The following CEACAM7 variants were observed in gnomAD, a reference collection of about 807,000 sequenced individuals.
The protein encoded by CEACAM7 is cell adhesion molecule CEACAM7.
In CEACAM7, 24 loss-of-function variants were observed where a neutral mutation model predicts 25.7. The ratio of observed to expected loss-of-function variants is 0.93; its 90% CI spans 0.68 to 1.31. The LOEUF (loss-of-function observed/expected upper bound fraction) is 1.31. Among genes scored for constraint, CEACAM7 ranks in the 40% most tolerant of loss-of-function variants. The pLI is 0.00. For synonymous variants in CEACAM7, 144 were observed against 129.4 expected (o/e 1.11, Z -0.77); for missense variants, 324 against 330.1 (o/e 0.98, Z 0.14).
chr19:41,683,330 A>G (rs2072193736), intron 3 of CEACAM7, among the ~76,000 whole-genome samples: 2 of 152,168 alleles, frequency 1.3e-5, no homozygotes. Context: ...ATGGATGAAG[A>G]GTCTAAGGTT....
At chr19:41,682,757 C>G (rs1004387492) in intron 3 of CEACAM7, among the ~76,000 whole-genome samples, 1 of 152,194 alleles carries the variant, frequency 6.6e-6, no homozygotes, top group African/African-American at 2.4e-5. Context: ...TGAGATGTTT[C>G]AAAGCTTCCT....
chr19:41,683,199 G>T (rs1329597873), intron 3 of CEACAM7, among the ~76,000 whole-genome samples: 2 of 152,214 alleles, frequency 1.3e-5, no homozygotes, highest in African/African-American at 4.8e-5. Context: ...CAATTTGTGG[G>T]CATAGCAGGT....
rs782360903 is a variant in CEACAM7, at chr19:41,687,041, T to C, written c.245A>G (p.Tyr82Cys). The C allele has an allele frequency of 1.2e-5, 20 of 1,614,012 alleles. No individual in the cohort carries two copies. Among genetic ancestry groups the C allele is most frequent in the Middle Eastern group, 1.6e-4 (1 of 6,082 alleles). The part of the protein sequence containing the change: ...RVHANYRIIG[Y>C]VKNISQENAP... The stretch of plus-strand genomic sequence containing the variant: ...ATTTTCTTGACTTATATTTTTTACA[T>C]ATCCTATAATTCGATAGTTGGCATG... The change falls in exon 2 of 5, where the codon TAT (tyrosine) becomes TGT (cysteine). Residue 82 changes from tyrosine (Y) to cysteine (C), a missense_variant. By Grantham distance (194) the Tyr-to-Cys change is radical. Transcript: ENST00000401731.
intron 2 of CEACAM7, among the ~76,000 whole-genome samples, chr19:41,685,405 G>A (rs1313302059): frequency 2.0e-5 from 3 of 152,080 alleles, no homozygotes; most frequent in African/African-American, 7.2e-5. Flanking sequence ...TCTCCCACTG[G>A]GGTGGCTTTA....
chr19:41,684,858 C>T (rs1485954772), intron 2 of CEACAM7, among the ~76,000 whole-genome samples: 5 of 152,240 alleles, frequency 3.3e-5, no homozygotes, highest in African/African-American at 4.8e-5. Flanking sequence ...GAAATCCCAA[C>T]ACAGGCATGA....
chr19:41,687,177 T>C lies in CEACAM7; in HGVS notation c.109A>G (p.Asn37Asp). The change falls in exon 2 of 5, where the codon AAT (asparagine) becomes GAT (aspartate). Residue 37 changes from asparagine to aspartate, a missense_variant. Asn to Asp is a conservative substitution (Grantham distance 23). Transcript: ENST00000401731. ...FWNLPNSAQT[N>D]IDVVPFNVAE... ...ACATTGAACGGCACGACATCAATATTGGTCTGGGCACTGTTTGGCAGGTTC... is the reference window on the plus strand; with the variant it reads ...ACATTGAACGGCACGACATCAATATCGGTCTGGGCACTGTTTGGCAGGTTC... The C allele has an allele frequency of 6.2e-7, 1 of 1,613,086 alleles. No individual in the cohort carries two copies. The highest frequency in any genetic ancestry group is 1.1e-5 in the South Asian group (1 of 90,970).
At position 41,686,945 on chromosome 19, in the gene CEACAM7, G is replaced by T; in HGVS notation, c.341C>A (p.Thr114Asn). The T allele has an allele frequency of 1.9e-6, 3 of 1,605,042 alleles. No individual in the cohort carries two copies. Among genetic ancestry groups the T allele is most frequent in the Non-Finnish European group, 2.6e-6 (3 of 1,176,208 alleles). Residue 114 changes from threonine (T) to asparagine (N), a missense_variant, in exon 2 of 5, where the codon ACC becomes AAC. By Grantham distance (65) the Thr-to-Asn change is moderately conservative (BLOSUM62 0). Transcript: ENST00000401731. Reference protein sequence around the residue: ...PNGTLLIQNVTHNDAGIYTLH... With the variant: ...PNGTLLIQNVNHNDAGIYTLH... ...GGTATAGATTCCTGCGTCATTGTGG[G>T]TGACGTTCTGGATCAGCAGGGTTCC...
intron 3 of CEACAM7, among the ~76,000 whole-genome samples, chr19:41,677,821 G>T (rs1434444803): frequency 6.6e-6 from 1 of 151,932 alleles, no homozygotes; most frequent in Non-Finnish European, 1.5e-5. Context: ...CTTTTTCATG[G>T]TTGCATTTTT....
chr19:41,683,796 A>G lies in CEACAM7; in HGVS notation c.695T>C (p.Leu232Pro). ...CAGAAGATACTCACAGCGGACATTCAGGGTGACTGGGTCACTGCGGCTGGC... is the reference window on the plus strand; with the variant it reads ...CAGAAGATACTCACAGCGGACATTCGGGGTGACTGGGTCACTGCGGCTGGC... ...VGASRSDPVT[L>P]NVRYESVQAS... The change falls in exon 3 of 5, where the codon CTG (leucine) becomes CCG (proline). Residue 232 changes from leucine (L) to proline (P), a missense_variant. Coordinates refer to ENST00000401731, the MANE Select transcript of CEACAM7 (RefSeq NM_001291485.2). 6.2e-7 allele frequency: 1 copy of G among 1,614,140 alleles called. No homozygotes were observed. Among genetic ancestry groups the G allele is most frequent in the Non-Finnish European group, 8.5e-7 (1 of 1,179,976 alleles).
At chr19:41,682,516 C>A (rs769140099) in intron 3 of CEACAM7, among the ~76,000 whole-genome samples, 11 of 152,210 alleles carry the variant, frequency 7.2e-5, no homozygotes, top group Admixed American at 2.6e-4. Flanking sequence ...TCCCTCTCTT[C>A]CCAGTTCCCT....
Position 41,674,670 on chromosome 19 carries a change from A to G in CEACAM7, c.*106T>C, listed in dbSNP as rs147917604. ...CCAGCTTATAGGTCTTCAGGAAGAG[A>G]GCAGGTCTTATACTTAGTGATGCCA... On this transcript the variant is annotated 3_prime_UTR_variant, in exon 5 of 5. Coordinates refer to ENST00000401731, the MANE Select transcript of CEACAM7 (RefSeq NM_001291485.2). The G allele has an allele frequency of 4.5e-5, 15 of 332,030 alleles. No individual in the cohort carries two copies. The Admixed American group carries it at 5.0e-4, about 11-fold the overall frequency. 20.6% of individuals were successfully genotyped at this position (332,030 alleles called of 1,614,324 possible). A position where few individuals can be genotyped will look rare whatever the true frequency, so the allele number is the denominator to read the frequency against.
chr19:41,675,882 A>G (rs1555810063), intron 4 of CEACAM7, among the ~76,000 whole-genome samples: 1 of 152,230 alleles, frequency 6.6e-6, no homozygotes, highest in Non-Finnish European at 1.5e-5. Context: ...ATACCCGCAA[A>G]TATAACTTAG....
At chr19:41,678,636 A>G (rs1254786226) in intron 3 of CEACAM7, among the ~76,000 whole-genome samples, 1 of 152,176 alleles carries the variant, frequency 6.6e-6, no homozygotes, top group Non-Finnish European at 1.5e-5. Flanking sequence ...AGTGGTGAAA[A>G]AACTTACCCA....
At chr19:41,683,676 A>G (rs1466811372) in intron 3 of CEACAM7, 109 bp downstream of exon 3, 2 of 1,480,452 alleles carry the variant, frequency 1.4e-6, no homozygotes, top group Non-Finnish European at 1.8e-6. Flanking sequence ...CTGGGTGCCT[A>G]GAGGTGAGGG....
In CEACAM7 at chr19:41,684,012, T is replaced by A. The variant is rs2072202377; in HGVS notation, c.479A>T (p.Asn160Ile). 1 of 1,614,068 alleles carries A rather than the reference T, an allele frequency of 6.2e-7. No homozygotes were observed. The change falls in exon 3 of 5, where the codon AAC (asparagine) becomes ATC (isoleucine). Residue 160 changes from asparagine (N) to isoleucine (I), a missense_variant. Coordinates refer to ENST00000401731, the MANE Select transcript of CEACAM7 (RefSeq NM_001291485.2). ...ACAGGTTAAAACCACAATATCTTTGTTCTCCACCGGATTGAAGTTGTTGCT... is the reference window on the plus strand; with the variant it reads ...ACAGGTTAAAACCACAATATCTTTGATCTCCACCGGATTGAAGTTGTTGCT... ...ITSNNFNPVE[N>I]KDIVVLTCQP...
At chr19:41,679,754 G>A (rs776188018) in intron 3 of CEACAM7, among the ~76,000 whole-genome samples, 4 of 150,620 alleles carry the variant, frequency 2.7e-5, no homozygotes, top group Non-Finnish European at 5.9e-5. Context: ...GTTGAAATCA[G>A]CTGTATTTCT....
chr19:41,682,193 C>T (rs77782482), intron 3 of CEACAM7, among the ~76,000 whole-genome samples: 6,086 of 152,216 alleles, frequency 0.04, 405 homozygotes, highest in African/African-American at 0.14. Flanking sequence ...CCCATCTCAA[C>T]CTCTCGAAGT....
rs782035300 is a variant in CEACAM7, at chr19:41,686,976, G to C, written c.310C>G (p.Pro104Ala). Residue 104 changes from proline (P) to alanine (A), a missense_variant, in exon 2 of 5, where the codon CCC (proline) becomes GCC (alanine). Pro to Ala is a conservative substitution (Grantham distance 27). Transcript: ENST00000401731. The stretch of plus-strand genomic sequence containing the variant: ...TTCTGGATCAGCAGGGTTCCATTGG[G>C]GTATATTGTCTCTCGACCGTTGTGT... ...PAHNGRETIY[P>A]NGTLLIQNVT... 6.2e-7 allele frequency: 1 copy of C among 1,612,470 alleles called. No individual in the cohort carries two copies. The highest frequency in any genetic ancestry group is 8.5e-7 in the Non-Finnish European group (1 of 1,179,286).
At position 41,688,201 on chromosome 19, in the gene CEACAM7, G is replaced by C. The variant is rs1003086038; in HGVS notation, c.-36C>G. The stretch of plus-strand genomic sequence containing the variant: ...GCCTGCTTGTCCTCTGTGGAGAAGA[G>C]CTTGGGCTCCAGGAACTCTCTTGTC... On this transcript the variant is annotated 5_prime_UTR_variant, in exon 1 of 5. Coordinates refer to ENST00000401731, the MANE Select transcript of CEACAM7 (RefSeq NM_001291485.2). The C allele has an allele frequency of 2.2e-5, 36 of 1,600,558 alleles. No homozygotes were observed. The highest frequency in any genetic ancestry group is 3.1e-5 in the Non-Finnish European group (36 of 1,173,058).
Sources: gnomAD v4.1 joint callset for allele counts (sites outside exome capture counted in the v4.1 genomes callset) on GRCh38, gnomAD v4.1.1 for gene constraint, MANE v1.5 for transcripts, NCBI Gene and HGNC (gene_info 2026-07-23, HGNC 2026-07-21) for gene names.